PCLO: variants seen among roughly 807,000 people sequenced by gnomAD.
PCLO encodes the protein protein piccolo.
Under a neutral mutation model 427.5 loss-of-function variants are expected in PCLO, and 82 were observed. The ratio of observed to expected loss-of-function variants is 0.19; its 90% CI spans 0.16 to 0.23. The LOEUF is 0.23. PCLO is among the 10% of genes least tolerant of loss of function. PCLO has a pLI of 1.00. For synonymous variants in PCLO, 2,357 were observed against 2,155.4 expected (o/e 1.09, Z -2.59); for missense variants, 6,239 against 6,115.9 (o/e 1.02, Z -0.67).
At chr7:82,892,548 A>C (rs1407127754) in intron 9 of PCLO, among the ~76,000 whole-genome samples, 1 of 152,082 alleles carries the variant, frequency 6.6e-6, no homozygotes, top group Non-Finnish European at 1.5e-5. Flanking sequence ...CACCAAAAGC[A>C]ATGGCAACAA....
intron 13 of PCLO, among the ~76,000 whole-genome samples, chr7:82,842,084 G>T (rs1792381813): frequency 6.6e-6 from 1 of 151,934 alleles, no homozygotes; most frequent in Non-Finnish European, 1.5e-5. Flanking sequence ...AATAGCCAAA[G>T]CAATTTTAAG....
At chr7:82,905,758 A>G (rs1303271380) in intron 8 of PCLO, among the ~76,000 whole-genome samples, 1 of 151,936 alleles carries the variant, frequency 6.6e-6, no homozygotes, top group Admixed American at 6.6e-5. Flanking sequence ...TGGCTCTTTC[A>G]TGGGAGCTTA....
intron 16 of PCLO, among the ~76,000 whole-genome samples, chr7:82,831,702 T>C (rs185332453): frequency 6.6e-6 from 1 of 152,300 alleles, no homozygotes; most frequent in East Asian, 1.9e-4. Flanking sequence ...GATTCTCCAA[T>C]TCTCTCCAGA....
At chr7:82,922,285 T>C (rs1794614642) in intron 6 of PCLO, among the ~76,000 whole-genome samples, 1 of 151,888 alleles carries the variant, frequency 6.6e-6, no homozygotes, top group Admixed American at 6.6e-5. Flanking sequence ...GACTCATGCA[T>C]GTGTATATTC....
At chr7:82,858,658 C>A (rs1040692357) in intron 10 of PCLO, among the ~76,000 whole-genome samples, 1 of 152,070 alleles carries the variant, frequency 6.6e-6, no homozygotes, top group African/African-American at 2.4e-5. Context: ...TCAGCTTATA[C>A]TATGCACTTC....
chr7:82,942,635 A>G lies in PCLO; in HGVS notation c.11112+6841T>C, dbSNP rs1795111748. ...TATCTGTGTACATTTGTTTTAATTG[A>G]TTTTTAAAATAATATCTTTCCAATT... On this transcript the variant is annotated intron_variant, in intron 6 of 24. Transcript: ENST00000333891. 7.2e-5 allele frequency among the ~76,000 whole-genome samples: 11 copies of G among 152,260 alleles called. No individual in the cohort carries two copies. In the South Asian group the frequency reaches 2.3e-3, roughly 32 times the overall value.
At chr7:82,805,556 T>C (rs1791439637) in intron 21 of PCLO, 132 bp downstream of exon 21, 1 of 757,882 alleles carries the variant, frequency 1.3e-6, no homozygotes, top group Admixed American at 2.6e-5. Context: ...TACATAGGCA[T>C]TAACAGTTCA....
At chr7:83,074,503 G>A (rs1316365508) in intron 3 of PCLO, among the ~76,000 whole-genome samples, 11 of 152,160 alleles carry the variant, frequency 7.2e-5, no homozygotes, top group South Asian at 4.1e-4. Flanking sequence ...CCTATGAGAC[G>A]TAGAATGAGT....
intron 10 of PCLO, among the ~76,000 whole-genome samples, chr7:82,849,285 A>T (rs894998132): frequency 1.3e-5 from 2 of 149,428 alleles, no homozygotes; most frequent in Admixed American, 6.7e-5. Flanking sequence ...AAAATCTCTT[A>T]AAAAATTATA....
intron 3 of PCLO, among the ~76,000 whole-genome samples, chr7:82,984,113 A>G (rs1796206131): frequency 6.6e-6 from 1 of 152,038 alleles, no homozygotes; most frequent in Non-Finnish European, 1.5e-5. Context: ...AACTATGGTT[A>G]TAACAAATAC....
chr7:83,000,688 T>G (rs1264771033), intron 3 of PCLO, among the ~76,000 whole-genome samples: 1 of 152,046 alleles, frequency 6.6e-6, no homozygotes, highest in African/African-American at 2.4e-5. Context: ...GCTCATGTCC[T>G]GCTGTGTGGC....
chr7:83,013,464 T>C (rs1467625626), intron 3 of PCLO, among the ~76,000 whole-genome samples: 1 of 152,166 alleles, frequency 6.6e-6, no homozygotes, highest in East Asian at 1.9e-4. Flanking sequence ...CAAGATAAAA[T>C]TAAAAGTGTG....
rs1794246407 is a variant in PCLO at position 82,908,553 on chromosome 7, T to C, written c.13437+324A>G. ...TGGAAAGCACTGAAAATTACCCAAA[T>C]CTATTTCACCCAATTGCTTGTAAGC... On this transcript the variant is annotated intron_variant, in intron 8 of 24. Coordinates refer to ENST00000333891, the MANE Select transcript of PCLO (RefSeq NM_033026.6). Among the ~76,000 whole-genome samples, 4 of 152,116 alleles carry C rather than the reference T, an allele frequency of 2.6e-5. 1 individual carries two copies. In the South Asian group the frequency reaches 8.3e-4, roughly 31 times the overall value.
At position 82,879,446 on chromosome 7, in the gene PCLO, A is replaced by G. The variant is rs1014519034; in HGVS notation, c.13545T>C (p.Ile4515=). 1.2e-6 allele frequency: 2 copies of G among 1,600,310 alleles called. No individual in the cohort carries two copies. Among genetic ancestry groups the G allele is most frequent in the Admixed American group, 1.7e-5 (1 of 59,314 alleles). The change falls in exon 10 of 25, where the codon ATT becomes ATC. Residue 4515 remains isoleucine (I), a synonymous_variant. Coordinates refer to ENST00000333891, the MANE Select transcript of PCLO (RefSeq NM_033026.6). ...GGATTTCTTTACCACCCACAATTCT[A>G]ATTCCTAATCCATTACCTGTATTAA... ...DHTVSGNGLG[I]RIVGGKEIPG... is the part of the protein sequence containing the mutation.
At chr7:83,026,051 G>A (rs1344341251) in intron 3 of PCLO, among the ~76,000 whole-genome samples, 6 of 151,298 alleles carry the variant, frequency 4.0e-5, no homozygotes, top group East Asian at 1.9e-4. Flanking sequence ...ATCAACTAAC[G>A]AGCAAAATCA....
chr7:83,082,173 T>C (rs1029558874), intron 3 of PCLO, among the ~76,000 whole-genome samples: 27 of 151,506 alleles, frequency 1.8e-4, no homozygotes, highest in African/African-American at 6.3e-4. Flanking sequence ...TAAAAATTTT[T>C]CATACGGGGA....
intron 22 of PCLO, among the ~76,000 whole-genome samples, chr7:82,793,847 A>G (rs1486605150): frequency 6.6e-6 from 1 of 152,082 alleles, no homozygotes; most frequent in Non-Finnish European, 1.5e-5. Flanking sequence ...GGGTCAGGGT[A>G]TGCTTCTATG....
chr7:83,139,486 G>A (rs1471226845), intron 2 of PCLO, among the ~76,000 whole-genome samples: 1 of 152,094 alleles, frequency 6.6e-6, no homozygotes, highest in African/African-American at 2.4e-5. Flanking sequence ...TCAACACTGG[G>A]ACACATTTTA....
chr7:82,770,463 A>C (rs755690003), intron 22 of PCLO, among the ~76,000 whole-genome samples: 1 of 152,014 alleles, frequency 6.6e-6, no homozygotes, highest in Non-Finnish European at 1.5e-5. Context: ...AGAAAACATA[A>C]GGTTAATTGC....
Sources: gnomAD v4.1 joint callset for allele counts (sites outside exome capture counted in the v4.1 genomes callset) on GRCh38, gnomAD v4.1.1 for gene constraint, MANE v1.5 for transcripts, NCBI Gene and HGNC (gene_info 2026-07-23, HGNC 2026-07-21) for gene names.